Variants in CACYBP observed in about 807,000 individuals in gnomAD.
The protein encoded by CACYBP is calcyclin binding protein.
Under a neutral mutation model 29.6 loss-of-function variants are expected in CACYBP, and 11 were observed. The ratio of observed to expected loss-of-function variants is 0.37; its 90% CI spans 0.23 to 0.61. CACYBP has a LOEUF of 0.61. Ranked by LOEUF, CACYBP falls within the 20% of genes least tolerant of loss-of-function variation. The pLI is 0.65. For missense variants in CACYBP, 163 were observed against 260.7 expected (o/e 0.63, Z 2.58); for synonymous variants, 73 against 88.3 (o/e 0.83, Z 0.97).
At position 175,000,153 on chromosome 1, in the gene CACYBP, C is replaced by T. The variant is rs985928464; in HGVS notation, c.-28C>T. 4.0e-5 allele frequency: 64 copies of T among 1,601,474 alleles called. No individual in the cohort carries two copies. Among genetic ancestry groups the T allele is most frequent in the Non-Finnish European group, 5.3e-5 (62 of 1,174,020 alleles). On this transcript the variant is annotated 5_prime_UTR_variant, in exon 1 of 6. Transcript: ENST00000367679. ...TGTTCCTCCTTCTGCGCGGCTGCAGCTCGGGACTTCGGCCTGACCCAGCCC... is the reference window on the plus strand; with the variant it reads ...TGTTCCTCCTTCTGCGCGGCTGCAGTTCGGGACTTCGGCCTGACCCAGCCC...
In CACYBP at chr1:175,007,972, T is replaced by A. The variant is rs534331114; in HGVS notation, c.433-637T>A. ...TATAATACATAATTACTTAACAGCT[T>A]ACAGGTGATACTCAAATATAGTTGG... On this transcript the variant is annotated intron_variant, in intron 4 of 5. Coordinates refer to ENST00000367679, the MANE Select transcript of CACYBP (RefSeq NM_014412.3). 3.3e-5 allele frequency among the ~76,000 whole-genome samples: 5 copies of A among 152,334 alleles called. No homozygotes were observed. The South Asian group carries it at 1.0e-3, about 32-fold the overall frequency.
In CACYBP at chr1:175,011,508, A is replaced by C. The variant is rs1179459146; in HGVS notation, c.*1429A>C. 1 of 152,232 alleles carries C rather than the reference A, an allele frequency of 6.6e-6. No homozygotes were observed. The highest frequency in any genetic ancestry group is 2.4e-5 in the African/African-American group (1 of 41,454). 9.4% of individuals were successfully genotyped at this position (152,232 alleles called of 1,614,324 possible). On this transcript the variant is annotated 3_prime_UTR_variant, in exon 6 of 6. Coordinates refer to ENST00000367679, the MANE Select transcript of CACYBP (RefSeq NM_014412.3). Reference sequence around the variant, plus strand: ...TATATGTGACTTAAAACCTAGAAGAAATAAATAAAACTATTGATCAATTTT... The same window carrying C: ...TATATGTGACTTAAAACCTAGAAGACATAAATAAAACTATTGATCAATTTT...
chr1:175,004,172 A>G (rs190224822), intron 1 of CACYBP, among the ~76,000 whole-genome samples: 1 of 152,344 alleles, frequency 6.6e-6, no homozygotes, highest in African/African-American at 2.4e-5. Context: ...TAAGTTTGCT[A>G]TAAAAGCATT....
At chr1:175,005,618 C>T (rs188611441) in intron 2 of CACYBP, among the ~76,000 whole-genome samples, 199 of 152,150 alleles carry the variant, frequency 1.3e-3, no homozygotes, top group African/African-American at 4.6e-3. Flanking sequence ...AAGGCATGAT[C>T]TATTTTGAAT....
chr1:175,011,374 T>C lies in CACYBP; in HGVS notation c.*1295T>C, dbSNP rs1315088639. The C allele has an allele frequency of 6.6e-6, 1 of 152,064 alleles. No homozygotes were observed. The highest frequency in any genetic ancestry group is 2.1e-4 in the South Asian group (1 of 4,826). The allele number at this position is 152,064 out of a possible 1,614,324, so 9.4% of individuals were successfully genotyped here. A position where few individuals can be genotyped will look rare whatever the true frequency, so the allele number is the denominator to read the frequency against. ...TGGGGTAAAGATGGGTTTTTAATGA[T>C]ACTAAGATAACTGAAAATAGGCATA... On this transcript the variant is annotated 3_prime_UTR_variant, in exon 6 of 6. Coordinates refer to ENST00000367679, the MANE Select transcript of CACYBP (RefSeq NM_014412.3).
intron 2 of CACYBP, chr1:175,005,123 T>C: frequency 5.2e-6 from 2 of 385,588 alleles, no homozygotes; most frequent in East Asian, 5.3e-5. Flanking sequence ...GTGGTGGTGG[T>C]GGTTTTTAAT....
chr1:174,999,822 C>T (rs928252934), upstream of CACYBP: 2 of 419,710 alleles, frequency 4.8e-6, no homozygotes, highest in Non-Finnish European at 4.3e-6. Flanking sequence ...CTCGGATTGC[C>T]GGTTCGCTCG....
intron 1 of CACYBP, chr1:175,000,420 CG>C: frequency 7.2e-7 from 1 of 1,389,896 alleles, no homozygotes; most frequent in Middle Eastern, 2.5e-4. Flanking sequence ...TGGGCTCGAG[CG>C]GGGGTGTGCG....
intron 2 of CACYBP, among the ~76,000 whole-genome samples, chr1:175,005,958 C>T (rs1456284515): frequency 6.6e-6 from 1 of 152,044 alleles, no homozygotes; most frequent in Non-Finnish European, 1.5e-5. Context: ...TTGATATAGG[C>T]ATGCAATGTG....
chr1:175,011,497 A>C lies in CACYBP; in HGVS notation c.*1418A>C, dbSNP rs1272286886. On this transcript the variant is annotated 3_prime_UTR_variant, in exon 6 of 6. Transcript: ENST00000367679. Reference sequence around the variant, plus strand: ...GAAAACGACATTATATGTGACTTAAAACCTAGAAGAAATAAATAAAACTAT... The same window carrying C: ...GAAAACGACATTATATGTGACTTAACACCTAGAAGAAATAAATAAAACTAT... The C allele has an allele frequency of 6.6e-6, 1 of 152,230 alleles. No homozygotes were observed. Among genetic ancestry groups the C allele is most frequent in the Non-Finnish European group, 1.5e-5 (1 of 68,042 alleles). 9.4% of individuals were successfully genotyped at this position (152,230 alleles called of 1,614,324 possible).
chr1:175,010,208 A>G lies in CACYBP; in HGVS notation c.*129A>G, dbSNP rs962441133. 1.9e-5 allele frequency: 13 copies of G among 687,754 alleles called. No homozygotes were observed. Among genetic ancestry groups the G allele is most frequent in the Middle Eastern group, 2.5e-4 (1 of 3,982 alleles). The allele number at this position is 687,754 out of a possible 1,614,324, so 42.6% of individuals were successfully genotyped here. On this transcript the variant is annotated 3_prime_UTR_variant, in exon 6 of 6. Transcript: ENST00000367679. ...TTACATAGCCTTCTAAGTAAAGGCAATGAATTCTCCATTTCCTACTGGAGG... is the reference window on the plus strand; with the variant it reads ...TTACATAGCCTTCTAAGTAAAGGCAGTGAATTCTCCATTTCCTACTGGAGG...
intron 1 of CACYBP, 57 bp from the exon 2 acceptor site, chr1:175,004,557 C>A: frequency 9.6e-7 from 1 of 1,039,998 alleles, no homozygotes; most frequent in South Asian, 1.6e-5. Context: ...GTGATACGCA[C>A]AATATCAAGC....
chr1:175,009,814 C>T, intron 5 of CACYBP, 109 bp from the exon 6 acceptor site: 1 of 763,160 alleles, frequency 1.3e-6, no homozygotes, highest in Non-Finnish European at 2.1e-6. Flanking sequence ...TCTTTGGGTA[C>T]TCTGTCTTCC....
chr1:175,002,672 C>T (rs1672522097), intron 1 of CACYBP, among the ~76,000 whole-genome samples: 1 of 152,152 alleles, frequency 6.6e-6, no homozygotes, highest in African/African-American at 2.4e-5. Flanking sequence ...AAAGGAATCA[C>T]CTTTGTTGGT....
Position 175,007,285 on chromosome 1 carries a change from T to A in CACYBP, c.432+88T>A, listed in dbSNP as rs116011021. ...AGAACTGAGATGAACTGGAATGAAT[T>A]TGTCCTCTGTAACAGGGACCACCGC... On this transcript the variant is annotated intron_variant, in intron 4 of 5. Transcript: ENST00000367679. The A allele has an allele frequency of 3.5e-3, 2,752 of 790,400 alleles. 52 individuals are homozygous for A. In the African/African-American group the frequency reaches 0.043, roughly 12 times the overall value. The allele number at this position is 790,400 out of a possible 1,614,324, so 49.0% of individuals were successfully genotyped here. A position where few individuals can be genotyped will look rare whatever the true frequency, so the allele number is the denominator to read the frequency against.
chr1:175,011,547 T>C lies in CACYBP; in HGVS notation c.*1468T>C, dbSNP rs1432838232. On this transcript the variant is annotated 3_prime_UTR_variant, in exon 6 of 6. Transcript: ENST00000367679. The stretch of plus-strand genomic sequence containing the variant: ...TTGATCAATTTTAACTACATAAAAA[T>C]GTTTATAGGACAAGAAAAACCCCAC... 3 of 152,162 alleles carry C rather than the reference T, an allele frequency of 2.0e-5. No homozygotes were observed. Among genetic ancestry groups the C allele is most frequent in the Admixed American group, 1.3e-4 (2 of 15,274 alleles). The allele number at this position is 152,162 out of a possible 1,614,324, so 9.4% of individuals were successfully genotyped here.
intron 2 of CACYBP, among the ~76,000 whole-genome samples, chr1:175,005,315 CGTAGTATAACAAT>C (rs148618534): frequency 0.066 from 10,091 of 152,150 alleles, 1,080 homozygotes; most frequent in African/African-American, 0.23. Flanking sequence ...ACGTATAACT[CGTAGTATAACAAT>C]GTAGTAATAC....
chr1:175,007,651 T>C (rs1198751020), intron 4 of CACYBP, among the ~76,000 whole-genome samples: 1 of 152,236 alleles, frequency 6.6e-6, no homozygotes, highest in Non-Finnish European at 1.5e-5. Flanking sequence ...ATTTATGCGA[T>C]AGTAATAATT....
chr1:175,011,234 T>C lies in CACYBP; in HGVS notation c.*1155T>C, dbSNP rs1207976696. Reference sequence around the variant, plus strand: ...GGATTTAAAATACAGAAACAGTTTATGTATAGGATAGCTATAAGTAAATAC... The same window carrying C: ...GGATTTAAAATACAGAAACAGTTTACGTATAGGATAGCTATAAGTAAATAC... On this transcript the variant is annotated 3_prime_UTR_variant, in exon 6 of 6. Transcript: ENST00000367679. 3 of 152,198 alleles carry C rather than the reference T, an allele frequency of 2.0e-5. No homozygotes were observed. The highest frequency in any genetic ancestry group is 4.4e-5 in the Non-Finnish European group (3 of 68,018). 9.4% of individuals were successfully genotyped at this position (152,198 alleles called of 1,614,324 possible).
Sources: gnomAD v4.1 joint callset for allele counts (sites outside exome capture counted in the v4.1 genomes callset) on GRCh38, gnomAD v4.1.1 for gene constraint, MANE v1.5 for transcripts, NCBI Gene and HGNC (gene_info 2026-07-23, HGNC 2026-07-21) for gene names.